The following FAM13A variants were observed in gnomAD, a reference collection of about 807,000 sequenced individuals.
FAM13A encodes family with sequence similarity 13 member A.
Under a neutral mutation model 129.6 loss-of-function variants are expected in FAM13A, and 76 were observed. That is an observed-to-expected ratio of 0.59 (90% CI 0.49 to 0.71). The LOEUF is 0.71. FAM13A is among the 30% of genes least tolerant of loss of function. The pLI is 0.00. For missense variants in FAM13A, 1,108 were observed against 1,249.3 expected, an observed-to-expected ratio of 0.89 and a Z score of 1.70; for synonymous variants, 443 against 449.9, an observed-to-expected ratio of 0.98 and a Z score of 0.20.
intron 7 of FAM13A, chr4:88,823,200 A>G (rs1732379678): frequency 6.9e-7 from 1 of 1,439,816 alleles, no homozygotes; most frequent in Non-Finnish European, 9.1e-7. Flanking sequence ...TCTTCAGGCA[A>G]TGCTATTTTA....
chr4:88,757,086 G>T (rs976173505), intron 14 of FAM13A, among the ~76,000 whole-genome samples: 2 of 119,118 alleles, frequency 1.7e-5, no homozygotes, highest in Admixed American at 8.4e-5. Context: ...AAAATGAAAT[G>T]CTGGTTCCTT....
rs560530222 is a variant in FAM13A at position 88,919,918 on chromosome 4, T to A, written c.760-13456A>T. On this transcript the variant is annotated intron_variant, in intron 5 of 23. Coordinates refer to ENST00000264344, the MANE Select transcript of FAM13A (RefSeq NM_014883.4). Reference sequence around the variant, plus strand: ...TATATCGCGCACATGGCTCGGAGGGTCCTACGCCCACAGAGTCTCGCTGAT... The same window carrying A: ...TATATCGCGCACATGGCTCGGAGGGACCTACGCCCACAGAGTCTCGCTGAT... Among the ~76,000 whole-genome samples the A allele has an allele frequency of 1.1e-4, 16 of 152,222 alleles. No homozygotes were observed. The East Asian group carries it at 3.1e-3, about 30-fold the overall frequency.
At chr4:88,977,371 G>C (rs1464523443) in intron 4 of FAM13A, among the ~76,000 whole-genome samples, 3 of 152,092 alleles carry the variant, frequency 2.0e-5, no homozygotes, top group African/African-American at 7.2e-5. Context: ...TGCAAATAAA[G>C]GGATACCACT....
rs199936059 is a variant in FAM13A, at chr4:88,945,990, GTATATATATATATATATATA to G, written c.606-7769_606-7750del. Among the ~76,000 whole-genome samples, 463 of 61,960 alleles carry G rather than the reference GTATATATATATATATATATA, an allele frequency of 7.5e-3. 5 individuals are homozygous for G. The highest frequency in any genetic ancestry group is 0.011 in the Non-Finnish European group (390 of 34,696). 40.6% of individuals were successfully genotyped at this position (61,960 alleles called of 152,430 possible). On this transcript the variant is annotated intron_variant, in intron 4 of 23. Transcript: ENST00000264344. ...TGTGTGTGTGTGTGTGTGTGTGTGT[GTATATATATATATATATATA>G]TATATATATATATGTAATCCAAATC... is the stretch of plus-strand genomic sequence containing the variant.
At position 88,787,796 on chromosome 4, in the gene FAM13A, G is replaced by A. The variant is rs143379215; in HGVS notation, c.1228C>T (p.Arg410Cys). The change falls in exon 10 of 24, where the codon CGC (arginine) becomes TGC (cysteine). Residue 410 changes from arginine (R) to cysteine (C), a missense_variant. Coordinates refer to ENST00000264344, the MANE Select transcript of FAM13A (RefSeq NM_014883.4). Reference sequence around the variant, plus strand: ...ACTTCATCCTGCTCCTTGGACTGGCGGCGGCGCTGTCTGGCAGATGTGGCA... The same window carrying A: ...ACTTCATCCTGCTCCTTGGACTGGCAGCGGCGCTGTCTGGCAGATGTGGCA... ...SSATSARQRR[R>C]QSKEQDEVRH... 156 of 1,613,448 alleles carry A rather than the reference G, an allele frequency of 9.7e-5. No individual in the cohort carries two copies. The highest frequency in any genetic ancestry group is 1.2e-4 in the Non-Finnish European group (138 of 1,179,706).
chr4:88,734,757 A>C (rs909190105), intron 21 of FAM13A, among the ~76,000 whole-genome samples: 1 of 152,242 alleles, frequency 6.6e-6, no homozygotes, highest in African/African-American at 2.4e-5. Flanking sequence ...CACAAAGCAC[A>C]GGGCAGTGCT....
chr4:88,749,977 G>A, intron 15 of FAM13A, 68 bp from the exon 16 acceptor site: 1 of 1,554,936 alleles, frequency 6.4e-7, no homozygotes. Context: ...GGGCCCTGGG[G>A]AAGTGGGACA....
rs1354655065 is a variant in FAM13A at position 88,746,965 on chromosome 4, A to G, written c.2433T>C (p.Ala811=). 1 of 1,613,708 alleles carries G rather than the reference A, an allele frequency of 6.2e-7. No individual in the cohort carries two copies. Among genetic ancestry groups the G allele is most frequent in the South Asian group, 1.1e-5 (1 of 91,066 alleles). ...IANEKVALQK[A]LLYYESIHGR... ...CATGAATGCTTTCATAATATAACAG[A>G]GCTTTCTGCAGAGCCACTTTCTCAT... Residue 811 remains alanine (A), a synonymous_variant, in exon 19 of 24, where the codon GCT becomes GCC. Transcript: ENST00000264344.
intron 7 of FAM13A, among the ~76,000 whole-genome samples, chr4:88,807,487 A>G (rs1173749430): frequency 6.6e-6 from 1 of 152,228 alleles, no homozygotes; most frequent in Non-Finnish European, 1.5e-5. Flanking sequence ...ACTCATTCAG[A>G]TGATGCAGCT....
intron 5 of FAM13A, chr4:88,937,255 G>A (rs1228680191): frequency 6.6e-6 from 1 of 152,132 alleles, no homozygotes; most frequent in Admixed American, 6.5e-5. Context: ...ATTCCTTTAA[G>A]TGCCCAAACC....
At chr4:89,018,627 C>T (rs1766843905) in intron 3 of FAM13A, among the ~76,000 whole-genome samples, 1 of 152,214 alleles carries the variant, frequency 6.6e-6, no homozygotes, top group South Asian at 2.1e-4. Flanking sequence ...GGGCCATCAA[C>T]AGGCCACAAA....
intron 20 of FAM13A, among the ~76,000 whole-genome samples, chr4:88,738,302 A>G (rs1739430119): frequency 6.6e-6 from 1 of 152,112 alleles, no homozygotes; most frequent in African/African-American, 2.4e-5. Flanking sequence ...GAGCACTGAA[A>G]CAGAAGCAAA....
At chr4:88,923,352 C>T (rs915951514) in intron 5 of FAM13A, among the ~76,000 whole-genome samples, 4 of 152,172 alleles carry the variant, frequency 2.6e-5, no homozygotes, top group Admixed American at 2.6e-4. Flanking sequence ...AGCTTATCCA[C>T]CATGATCAAG....
At chr4:88,863,216 G>A (rs1739802749) in intron 6 of FAM13A, among the ~76,000 whole-genome samples, 1 of 152,144 alleles carries the variant, frequency 6.6e-6, no homozygotes, top group Non-Finnish European at 1.5e-5. Context: ...GGGGAAAGGG[G>A]CTGGAGATAG....
chr4:88,995,310 G>C (rs566003603), intron 3 of FAM13A, among the ~76,000 whole-genome samples: 2 of 152,172 alleles, frequency 1.3e-5, no homozygotes, highest in South Asian at 4.2e-4. Context: ...CTGGATTGAA[G>C]GATGCAAAGT....
At chr4:88,754,701 T>C (rs146164926) in intron 14 of FAM13A, among the ~76,000 whole-genome samples, 367 of 152,330 alleles carry the variant, frequency 2.4e-3, no homozygotes, top group Admixed American at 5.2e-3. Flanking sequence ...TTTAGAACAA[T>C]GTTAGTCCTA....
chr4:88,852,632 T>G (rs1246218887), intron 6 of FAM13A, among the ~76,000 whole-genome samples: 1 of 152,156 alleles, frequency 6.6e-6, no homozygotes, highest in Non-Finnish European at 1.5e-5. Context: ...TCTCCTCCTA[T>G]TGTTTATCTC....
chr4:88,750,721 C>A (rs1742404815), intron 14 of FAM13A, 84 bp from the exon 15 acceptor site: 1 of 1,030,134 alleles, frequency 9.7e-7, no homozygotes, highest in African/African-American at 1.6e-5. Context: ...TCCCAGGCTT[C>A]CCAGATGCTT....
At chr4:88,934,918 CTGGAGTAACTAGA>C (rs775377516) in intron 5 of FAM13A, among the ~76,000 whole-genome samples, 1 of 152,194 alleles carries the variant, frequency 6.6e-6, no homozygotes, top group Non-Finnish European at 1.5e-5. Flanking sequence ...ATTTCCTTCA[CTGGAGTAACTAGA>C]TCTAGTCAAC....
Sources: gnomAD v4.1 joint callset for allele counts (sites outside exome capture counted in the v4.1 genomes callset) on GRCh38, gnomAD v4.1.1 for gene constraint, MANE v1.5 for transcripts, NCBI Gene and HGNC (gene_info 2026-07-23, HGNC 2026-07-21) for gene names.